RABGEF1: variants seen among roughly 807,000 people sequenced by gnomAD.
RABGEF1 encodes rab5 GDP/GTP exchange factor.
RABGEF1 carries 26 observed loss-of-function variants against 57.3 expected under a neutral mutation model. The ratio of observed to expected loss-of-function variants is 0.45; its 90% confidence interval spans 0.33 to 0.63. RABGEF1 has a LOEUF of 0.63. Among genes scored for constraint, RABGEF1 ranks in the 20% least tolerant of loss-of-function variants. The probability of loss-of-function intolerance (pLI) is 0.02; values close to 1 mark genes in which losing one functional copy is unlikely to be tolerated. For missense variants in RABGEF1, 464 were observed against 607.6 expected (o/e 0.76, Z 2.48); for synonymous variants, 185 against 210.7 (o/e 0.88, Z 1.06).
intron 1 of RABGEF1, among the ~76,000 whole-genome samples, chr7:66,753,711 T>TTG (rs1289277339): frequency 7.0e-6 from 1 of 142,648 alleles, no homozygotes; most frequent in Non-Finnish European, 1.5e-5. Context: ...GTTTTTTTTT[T>TTG]TTTTTTTTTT....
chr7:66,796,702 C>T (rs895978938), intron 5 of RABGEF1: 4 of 284,050 alleles, frequency 1.4e-5, no homozygotes, highest in East Asian at 1.4e-4. Context: ...AGTGATTCTC[C>T]TGTCTCAGCC....
intron 2 of RABGEF1, among the ~76,000 whole-genome samples, chr7:66,731,654 C>A (rs1234337468): frequency 6.6e-6 from 1 of 152,148 alleles, no homozygotes; most frequent in East Asian, 1.9e-4. Flanking sequence ...GAGTTCGAGA[C>A]TGCAGTGAGC....
intron 1 of RABGEF1, among the ~76,000 whole-genome samples, chr7:66,707,784 G>A (rs377456268): frequency 1.1e-4 from 17 of 152,250 alleles, no homozygotes; most frequent in African/African-American, 3.6e-4. Context: ...GTACTTTGAG[G>A]CTCTGTTTTT....
chr7:66,775,533 G>A, intron 3 of RABGEF1, 140 bp downstream of exon 3: 1 of 974,260 alleles, frequency 1.0e-6, no homozygotes, highest in Non-Finnish European at 1.5e-6. Flanking sequence ...AATTGGGCTT[G>A]AGGGTCAGAC....
intron 1 of RABGEF1, among the ~76,000 whole-genome samples, chr7:66,752,273 CACA>C (rs1380012280): frequency 6.6e-6 from 1 of 151,916 alleles, no homozygotes; most frequent in Non-Finnish European, 1.5e-5. Flanking sequence ...GTGGACGGAT[CACA>C]ACAAGGTCAG....
At chr7:66,713,078 G>T (rs1330989470) in intron 2 of RABGEF1, among the ~76,000 whole-genome samples, 1 of 151,778 alleles carries the variant, frequency 6.6e-6, no homozygotes, top group African/African-American at 2.4e-5. Flanking sequence ...GCTTCCCAAA[G>T]TGCTGGGATT....
At chr7:66,790,637 C>T (rs551273841) in intron 4 of RABGEF1, among the ~76,000 whole-genome samples, 33 of 152,244 alleles carry the variant, frequency 2.2e-4, no homozygotes, top group African/African-American at 6.5e-4. Context: ...AATCACTTGC[C>T]GTAGTTCATG....
intron 1 of RABGEF1, among the ~76,000 whole-genome samples, chr7:66,752,698 AGGCCCTTTCCCAGGCCAGT>A (rs1321769621): frequency 1.3e-5 from 2 of 152,216 alleles, no homozygotes; most frequent in African/African-American, 4.8e-5. Context: ...TCGAATTCTC[AGGCCCTTTCCCAGGCCAGT>A]TGAATCAGAA....
intron 2 of RABGEF1, among the ~76,000 whole-genome samples, chr7:66,734,026 C>T (rs1160657263): frequency 6.6e-6 from 1 of 152,158 alleles, no homozygotes. Context: ...ACAAAAAAAA[C>T]CTCCTAGAGG....
chr7:66,695,773 C>T (rs182239056), intron 1 of RABGEF1, among the ~76,000 whole-genome samples: 2 of 151,934 alleles, frequency 1.3e-5, no homozygotes, highest in African/African-American at 4.8e-5. Flanking sequence ...TGAGACCAGC[C>T]TGGGCAACAT....
intron 2 of RABGEF1, among the ~76,000 whole-genome samples, chr7:66,725,808 C>T (rs183495337): frequency 2.0e-3 from 308 of 152,272 alleles, no homozygotes; most frequent in African/African-American, 6.8e-3. Context: ...GGAGCTCCCC[C>T]GAAAAGTAAG....
At chr7:66,749,572 A>C (rs1800948861) in intron 1 of RABGEF1, among the ~76,000 whole-genome samples, 1 of 152,180 alleles carries the variant, frequency 6.6e-6, no homozygotes, top group Non-Finnish European at 1.5e-5. Context: ...CTGAGGCAGG[A>C]GGATTGCCGG....
At chr7:66,751,216 A>G (rs1235943464) in intron 1 of RABGEF1, among the ~76,000 whole-genome samples, 1 of 152,088 alleles carries the variant, frequency 6.6e-6, no homozygotes, top group Admixed American at 6.5e-5. Flanking sequence ...TTTTTAGTAG[A>G]GACGGGGTTT....
At chr7:66,664,936 C>T in the RABGEF1 span, among the ~76,000 whole-genome samples, 1 of 152,256 alleles carries the variant, frequency 6.6e-6, no homozygotes. Context: ...GGAGCAGCTT[C>T]AGGAGCCCGT....
chr7:66,717,334 G>A (rs771390783), intron 2 of RABGEF1, among the ~76,000 whole-genome samples: 3 of 152,068 alleles, frequency 2.0e-5, no homozygotes, highest in Non-Finnish European at 2.9e-5. Context: ...TCCTTACTAT[G>A]TTGTAGTTAT....
chr7:66,773,057 C>A (rs1200762636), intron 2 of RABGEF1, among the ~76,000 whole-genome samples: 1 of 151,066 alleles, frequency 6.6e-6, no homozygotes, highest in Non-Finnish European at 1.5e-5. Context: ...AAATGGAATT[C>A]TGCCAACTCC....
intron 1 of RABGEF1, among the ~76,000 whole-genome samples, chr7:66,746,579 G>A (rs1046204848): frequency 2.0e-5 from 3 of 149,106 alleles, no homozygotes; most frequent in Admixed American, 1.3e-4. Flanking sequence ...GTGAGCCACC[G>A]TGCCCGGCAG....
At chr7:66,796,834 A>G (rs1236943967) in intron 5 of RABGEF1, 2 of 404,214 alleles carry the variant, frequency 4.9e-6, no homozygotes, top group African/African-American at 2.2e-5. Flanking sequence ...CAGGCGATCC[A>G]CCTGCCTCAG....
At chr7:66,793,543 T>C (rs996895292) in intron 4 of RABGEF1, among the ~76,000 whole-genome samples, 5 of 152,322 alleles carry the variant, frequency 3.3e-5, no homozygotes, top group Non-Finnish European at 7.3e-5. Flanking sequence ...TGAATATAGT[T>C]TCTTCTAAGT....
Sources: gnomAD v4.1 joint callset for allele counts (sites outside exome capture counted in the v4.1 genomes callset) on GRCh38, gnomAD v4.1.1 for gene constraint, MANE v1.5 for transcripts, NCBI Gene and HGNC (gene_info 2026-07-23, HGNC 2026-07-21) for gene names.